The following FGF12 variants were observed in gnomAD, a reference collection of about 807,000 sequenced individuals.
The protein encoded by FGF12 is fibroblast growth factor 12B.
In FGF12, 14 loss-of-function variants were observed where a neutral mutation model predicts 23.6. The observed-to-expected ratio is 0.59, with a 90% CI of 0.39 to 0.93. FGF12 has a LOEUF of 0.93. Among genes scored for constraint, FGF12 ranks in the 40% least tolerant of loss-of-function variants. FGF12 has a pLI of 0.00. For missense variants in FGF12, 175 were observed against 217.8 expected, an observed-to-expected ratio of 0.80 and a Z score of 1.24; for synonymous variants, 62 against 77.3, an observed-to-expected ratio of 0.80 and a Z score of 1.04.
chr3:192,393,817 C>T (rs772825117), intron 2 of FGF12, among the ~76,000 whole-genome samples: 6 of 151,994 alleles, frequency 3.9e-5, no homozygotes, highest in Admixed American at 6.6e-5. Flanking sequence ...TAATATTAAA[C>T]GTGATGATTC....
Position 192,158,362 on chromosome 3 carries a change from CTT to C in FGF12, c.427+12094_427+12095del, listed in dbSNP as rs1366028683. On this transcript the variant is annotated intron_variant, in intron 5 of 5. Transcript: ENST00000445105. ...TCTTTCTTTCTTTCTTTCTTTCTTTCTTTCTTTCTTTCTTTCTTTCTTTTCTT... is the reference window on the plus strand; with the variant it reads ...TCTTTCTTTCTTTCTTTCTTTCTTTCTCTTTCTTTCTTTCTTTCTTTTCTT... 7.5e-5 allele frequency among the ~76,000 whole-genome samples: 8 copies of C among 106,866 alleles called. No homozygotes were observed. The East Asian group carries it at 1.1e-3, about 14-fold the overall frequency. The allele number at this position is 106,866 out of a possible 152,430, so 70.1% of individuals were successfully genotyped here.
chr3:192,360,453 C>G lies in FGF12; in HGVS notation c.99G>C (p.Gly33=). 1 of 1,611,848 alleles carries G rather than the reference C, an allele frequency of 6.2e-7. No homozygotes were observed. The highest frequency in any genetic ancestry group is 8.5e-7 in the Non-Finnish European group (1 of 1,178,008). ...TGTAGTCGCTGTTTTCGTCCTTGGT[C>G]CCATCAATGGTACCATCTGGGTGCA... The part of the protein sequence containing the change: ...LQMHPDGTID[G]TKDENSDYTL... Residue 33 remains glycine, a synonymous_variant, in exon 3 of 6, where the codon GGG becomes GGC. Coordinates refer to ENST00000445105, the MANE Select transcript of FGF12 (RefSeq NM_004113.6). The surrounding 1 kb of genome is among the most constrained non-coding windows in gnomAD (Gnocchi z 4.3).
chr3:192,698,594 CT>C (rs1718198769), intron 2 of FGF12, among the ~76,000 whole-genome samples: 1 of 151,800 alleles, frequency 6.6e-6, no homozygotes, highest in African/African-American at 2.4e-5. Flanking sequence ...TAAACATAGA[CT>C]TCATTCAATT....
chr3:192,639,143 C>T (rs1185233280), intron 2 of FGF12, among the ~76,000 whole-genome samples: 1 of 152,104 alleles, frequency 6.6e-6, no homozygotes, highest in African/African-American at 2.4e-5. Context: ...GGGCAGAGGA[C>T]TTGAATAGAC....
chr3:192,565,037 C>T (rs1305568104), intron 2 of FGF12, among the ~76,000 whole-genome samples: 2 of 152,188 alleles, frequency 1.3e-5, no homozygotes, highest in East Asian at 3.8e-4. Flanking sequence ...TTGAACAGAG[C>T]TTTTTCACTT....
At position 192,142,010 on chromosome 3, in the gene FGF12, G is replaced by GTTATA. The variant is rs1203728742; in HGVS notation, c.*1994_*1998dup. ...AGTGACAAGAAGAAATACAGCTAGA[G>GTTATA]TTATATTTTTGCCCCAGGGGTATTC... On this transcript the variant is annotated 3_prime_UTR_variant, in exon 6 of 6. Transcript: ENST00000445105. 1 of 152,128 alleles carries GTTATA rather than the reference G, an allele frequency of 6.6e-6. No individual in the cohort carries two copies. The highest frequency in any genetic ancestry group is 1.5e-5 in the Non-Finnish European group (1 of 67,838). 9.4% of individuals were successfully genotyped at this position (152,128 alleles called of 1,614,324 possible). A position where few individuals can be genotyped will look rare whatever the true frequency, so the allele number is the denominator to read the frequency against.
chr3:192,697,908 A>G (rs898289652), intron 2 of FGF12, among the ~76,000 whole-genome samples: 7 of 152,080 alleles, frequency 4.6e-5, no homozygotes, highest in Admixed American at 4.6e-4. Flanking sequence ...TTGCCTCTTC[A>G]GTGAGGTCTT....
At chr3:192,277,447 C>T (rs184386249) in intron 4 of FGF12, among the ~76,000 whole-genome samples, 18 of 152,258 alleles carry the variant, frequency 1.2e-4, no homozygotes, top group Admixed American at 1.1e-3. Context: ...ACAGTAAAGA[C>T]GGTTTTCAAG....
intron 2 of FGF12, among the ~76,000 whole-genome samples, chr3:192,683,684 T>C (rs1316655996): frequency 6.6e-6 from 1 of 152,212 alleles, no homozygotes; most frequent in Non-Finnish European, 1.5e-5. Context: ...AATAAAGCCC[T>C]GCCTAATATA....
chr3:192,401,311 G>A (rs535496739), intron 2 of FGF12, among the ~76,000 whole-genome samples: 202 of 152,318 alleles, frequency 1.3e-3, no homozygotes, highest in African/African-American at 4.6e-3. Flanking sequence ...ACAAAGAAAC[G>A]TGGTTGAAAA....
chr3:192,487,179 A>T (rs1723660003), intron 2 of FGF12, among the ~76,000 whole-genome samples: 2 of 152,090 alleles, frequency 1.3e-5, no homozygotes, highest in East Asian at 3.9e-4. Context: ...AGCCTACCTC[A>T]TTCACTTTTC....
intron 2 of FGF12, among the ~76,000 whole-genome samples, chr3:192,498,188 T>C (rs1724018515): frequency 6.6e-6 from 1 of 152,220 alleles, no homozygotes; most frequent in South Asian, 2.1e-4. Context: ...TGGATAATTA[T>C]TCTTATCTTT....
chr3:192,276,186 C>CTGCAGTGACTGCAGAAAATATA (rs1240361243), intron 4 of FGF12, among the ~76,000 whole-genome samples: 1 of 151,248 alleles, frequency 6.6e-6, no homozygotes, highest in Admixed American at 6.6e-5. Context: ...ATTCACCAGT[C>CTGCAGTGACTGCAGAAAATATA]GTACAGTCAC....
chr3:192,518,460 T>A (rs931267239), intron 2 of FGF12, among the ~76,000 whole-genome samples: 1 of 152,210 alleles, frequency 6.6e-6, no homozygotes, highest in African/African-American at 2.4e-5. Context: ...ATTTTTCTAT[T>A]AAGACTAAAC....
intron 2 of FGF12, among the ~76,000 whole-genome samples, chr3:192,512,835 A>ATATATATATATAT (rs1724521996): frequency 1.3e-5 from 1 of 76,776 alleles, no homozygotes; most frequent in Non-Finnish European, 2.4e-5. Flanking sequence ...TACTCAAATA[A>ATATATATATATAT]ATATATATAT....
rs770264932 is a variant in FGF12 at position 192,656,825 on chromosome 3, C to G, written c.13+70356G>C. The stretch of plus-strand genomic sequence containing the variant: ...TGTAATCCTTGACGCGACCTGGCTT[C>G]CAATGTATTTTTTGTTCACAGGAAG... On this transcript the variant is annotated intron_variant, in intron 2 of 5. Coordinates refer to ENST00000445105, the MANE Select transcript of FGF12 (RefSeq NM_004113.6). Among the ~76,000 whole-genome samples the G allele has an allele frequency of 1.6e-4, 24 of 152,150 alleles. 1 individual carries two copies. Among genetic ancestry groups the G allele is most frequent in the Non-Finnish European group, 8.8e-5 (6 of 68,016 alleles).
intron 2 of FGF12, among the ~76,000 whole-genome samples, chr3:192,415,375 G>T (rs891015592): frequency 1.3e-5 from 2 of 151,964 alleles, no homozygotes; most frequent in Admixed American, 1.3e-4. Flanking sequence ...CTTATCTCTA[G>T]TGCTTAAAAT....
intron 2 of FGF12, among the ~76,000 whole-genome samples, chr3:192,668,501 T>C (rs1476254707): frequency 6.6e-6 from 1 of 152,178 alleles, no homozygotes; most frequent in Non-Finnish European, 1.5e-5. Context: ...CCCACTCTCC[T>C]AGGTCTGTGG....
intron 1 of FGF12, 22 bp downstream of exon 1, chr3:192,727,462 A>ATTTTTTT: frequency 3.6e-6 from 2 of 561,464 alleles, no homozygotes; most frequent in Non-Finnish European, 5.8e-6. Context: ...GCCCGCTCAG[A>ATTTTTTT]TTTTTTTTTT....
Sources: gnomAD v4.1 joint callset for allele counts (sites outside exome capture counted in the v4.1 genomes callset) on GRCh38, gnomAD v4.1.1 for gene constraint, Gnocchi (gnomAD v3.1) non-coding constraint, MANE v1.5 for transcripts, NCBI Gene and HGNC (gene_info 2026-07-23, HGNC 2026-07-21) for gene names.